The following GALNT16 variants were observed in gnomAD, a reference collection of about 807,000 sequenced individuals.
GALNT16 encodes the protein UDP-GalNAc:polypeptide N-acetylgalactosaminyltransferase-like protein 1.
A neutral mutation model predicts 76.1 loss-of-function variants in GALNT16; 40 were observed. That is an observed-to-expected ratio of 0.53 (90% CI 0.41 to 0.68). The LOEUF (loss-of-function observed/expected upper bound fraction) is 0.68. GALNT16 is among the 30% of genes least tolerant of loss of function. The pLI, the probability that GALNT16 is intolerant of heterozygous loss-of-function variation, is 0.00. For synonymous variants in GALNT16, 276 were observed against 285.2 expected, an observed-to-expected ratio of 0.97 and a Z score of 0.32; for missense variants, 621 against 731.9, an observed-to-expected ratio of 0.85 and a Z score of 1.75.
chr14:69,316,927 G>A (rs1290696505), intron 1 of GALNT16, among the ~76,000 whole-genome samples: 3 of 152,186 alleles, frequency 2.0e-5, no homozygotes, highest in African/African-American at 7.2e-5. Context: ...GCAACCACCT[G>A]TTGAGTACCT....
the GALNT16 span, among the ~76,000 whole-genome samples, chr14:69,367,125 A>G: frequency 6.6e-6 from 1 of 152,146 alleles, no homozygotes; most frequent in Admixed American, 6.5e-5. Flanking sequence ...TGTGGTCCGT[A>G]CAGGGAACAG....
At chr14:69,374,967 G>A in the GALNT16 span, among the ~76,000 whole-genome samples, 1 of 152,274 alleles carries the variant, frequency 6.6e-6, no homozygotes, top group East Asian at 1.9e-4. Context: ...TTATTCATAA[G>A]GCTCATACCC....
At chr14:69,293,652 A>G (rs10782457) in intron 1 of GALNT16, among the ~76,000 whole-genome samples, 49,155 of 151,984 alleles carry the variant, frequency 0.32, 9,062 homozygotes, top group East Asian at 0.8. Flanking sequence ...CTGTGTGACC[A>G]CAGGCAAGTC....
the GALNT16 span, among the ~76,000 whole-genome samples, chr14:69,367,098 T>A: frequency 2.4e-3 from 370 of 152,116 alleles, 3 homozygotes; most frequent in African/African-American, 8.7e-3. Flanking sequence ...GGGGTGTACT[T>A]GTGGAATCGC....
rs1354890079 is a variant in GALNT16, at chr14:69,352,574, A to G, written c.*406A>G. On this transcript the variant is annotated 3_prime_UTR_variant, in exon 15 of 15. Transcript: ENST00000448469. ...TTTGGGTCATGAGGCCCAGCTGTGCAGGCAGGCAGGGCCAGGGGAAATTGG... is the reference window on the plus strand; with the variant it reads ...TTTGGGTCATGAGGCCCAGCTGTGCGGGCAGGCAGGGCCAGGGGAAATTGG... 1.3e-5 allele frequency: 2 copies of G among 159,076 alleles called. No homozygotes were observed. The highest frequency in any genetic ancestry group is 2.7e-5 in the Non-Finnish European group (2 of 72,786). 9.9% of individuals were successfully genotyped at this position (159,076 alleles called of 1,614,324 possible). A position where few individuals can be genotyped will look rare whatever the true frequency, so the allele number is the denominator to read the frequency against.
rs762645738 is a variant in GALNT16, at chr14:69,348,113, C to T, written c.1539+111C>T. 28 of 1,134,448 alleles carry T rather than the reference C, an allele frequency of 2.5e-5. No homozygotes were observed. In the South Asian group the frequency reaches 2.6e-4, roughly 10 times the overall value. 70.3% of individuals were successfully genotyped at this position (1,134,448 alleles called of 1,614,324 possible). A position where few individuals can be genotyped will look rare whatever the true frequency, so the allele number is the denominator to read the frequency against. ...ATTGACTCAAATAAGCCCTTCAGAG[C>T]GAGGATCTGTGGGGAGGGGGAGCAA... On this transcript the variant is annotated intron_variant, in intron 14 of 14. Transcript: ENST00000448469.
chr14:69,383,190 T>G, the GALNT16 span, among the ~76,000 whole-genome samples: 1 of 152,266 alleles, frequency 6.6e-6, no homozygotes, highest in Non-Finnish European at 1.5e-5. Flanking sequence ...TGGAAAAATC[T>G]GACTCTGACT....
the GALNT16 span, among the ~76,000 whole-genome samples, chr14:69,362,263 G>A: frequency 2.6e-5 from 4 of 152,126 alleles, no homozygotes; most frequent in African/African-American, 4.8e-5. Flanking sequence ...ATGTCCTCCC[G>A]GCCTCAGGGT....
Position 69,320,699 on chromosome 14 carries a change from C to T in GALNT16, c.178-12C>T. 1 of 1,612,390 alleles carries T rather than the reference C, an allele frequency of 6.2e-7. No individual in the cohort carries two copies. Among genetic ancestry groups the T allele is most frequent in the Non-Finnish European group, 8.5e-7 (1 of 1,178,976 alleles). On this transcript the variant is annotated splice_polypyrimidine_tract_variant and intron_variant, in intron 1 of 14. Transcript: ENST00000448469. ...TGCCTGTGGTCCTCTCTGATGCTGA[C>T]CTTCATCTCAGGTGACAGGAACTCC...
At chr14:69,327,667 A>T (rs1255588369) in intron 5 of GALNT16, among the ~76,000 whole-genome samples, 5 of 152,152 alleles carry the variant, frequency 3.3e-5, no homozygotes, top group Admixed American at 2.0e-4. Context: ...GTCTCCAAGG[A>T]GCTGCTTATA....
At chr14:69,320,447 A>T (rs989535124) in intron 1 of GALNT16, among the ~76,000 whole-genome samples, 1 of 151,884 alleles carries the variant, frequency 6.6e-6, no homozygotes, top group South Asian at 2.1e-4. Flanking sequence ...GTGAGCCAAG[A>T]TCTGCACTCC....
At chr14:69,262,778 T>C (rs1420182444) in intron 1 of GALNT16, among the ~76,000 whole-genome samples, 2 of 152,242 alleles carry the variant, frequency 1.3e-5, no homozygotes, top group Admixed American at 6.5e-5. Context: ...CTTCCAGTTA[T>C]TTCTTCCATG....
At chr14:69,288,299 C>A (rs757996303) in intron 1 of GALNT16, among the ~76,000 whole-genome samples, 98 of 152,210 alleles carry the variant, frequency 6.4e-4, no homozygotes, top group Non-Finnish European at 1.1e-3. Context: ...CTTCCCACTA[C>A]CCCCTGCTGC....
At chr14:69,381,955 T>G in the GALNT16 span, among the ~76,000 whole-genome samples, 1 of 152,198 alleles carries the variant, frequency 6.6e-6, no homozygotes, top group African/African-American at 2.4e-5. Context: ...CCGCCCAAAG[T>G]GCTGGGATTA....
At chr14:69,367,908 G>A in the GALNT16 span, among the ~76,000 whole-genome samples, 340 of 152,194 alleles carry the variant, frequency 2.2e-3, 2 homozygotes, top group East Asian at 0.033. Context: ...TGCGAGGATC[G>A]CTTGAGCCCA....
chr14:69,386,028 G>C, the GALNT16 span, among the ~76,000 whole-genome samples: 1 of 152,136 alleles, frequency 6.6e-6, no homozygotes. Context: ...CCCTCTGTCT[G>C]GTATGTTTTT....
the GALNT16 span, among the ~76,000 whole-genome samples, chr14:69,379,677 CAA>C: frequency 5.3e-5 from 8 of 152,226 alleles, no homozygotes; most frequent in South Asian, 1.2e-3. Context: ...AAAACAACAA[CAA>C]AAAAGAGACA....
chr14:69,270,174 C>T (rs991250925), intron 1 of GALNT16, among the ~76,000 whole-genome samples: 16 of 152,130 alleles, frequency 1.1e-4, no homozygotes, highest in African/African-American at 1.7e-4. Flanking sequence ...TGAAGCCTGT[C>T]GGGGCCTTCC....
intron 1 of GALNT16, 123 bp from the exon 2 acceptor site, chr14:69,320,588 T>C (rs942519982): frequency 1.3e-5 from 9 of 718,706 alleles, no homozygotes; most frequent in African/African-American, 7.1e-5. Context: ...CTCCTCCTCA[T>C]AGAGTTGGCG....
Sources: allele counts gnomAD v4.1 joint callset (sites outside exome capture counted in the v4.1 genomes callset), GRCh38; gene constraint gnomAD v4.1.1; transcripts MANE v1.5; gene names NCBI Gene and HGNC (gene_info 2026-07-23, HGNC 2026-07-21).